SSBP3: variants seen among roughly 807,000 people sequenced by gnomAD.
The protein encoded by SSBP3 is single stranded DNA binding protein 3, also known as single-stranded DNA-binding protein 3.
In SSBP3, 5 loss-of-function variants were observed where a neutral mutation model predicts 69.6. The observed-to-expected ratio is 0.07, with a 90% confidence interval of 0.04 to 0.15. SSBP3 has a LOEUF of 0.15. Among genes scored for constraint, SSBP3 ranks in the 10% least tolerant of loss-of-function variants. SSBP3 has a pLI of 1.00. For synonymous variants in SSBP3, 196 were observed against 193.4 expected (o/e 1.01, Z -0.11); for missense variants, 312 against 534.0 (o/e 0.58, Z 4.10).
chr1:54,393,070 G>T (rs1437978771), intron 4 of SSBP3, among the ~76,000 whole-genome samples: 1 of 152,178 alleles, frequency 6.6e-6, no homozygotes, highest in East Asian at 1.9e-4. Context: ...TGGTGAAGAG[G>T]CCAAAGTGGC....
rs397862361 is a variant in SSBP3 at position 54,308,600 on chromosome 1, C to CAA, written c.277-27075_277-27074dup. ...TGGCCGACAGAGCGAGACTCCATCT[C>CAA]AAAAAAAAAAAAAAAAAATTAGCCG... On this transcript the variant is annotated intron_variant, in intron 4 of 17. Coordinates refer to ENST00000610401, the Ensembl canonical transcript of SSBP3. Among the ~76,000 whole-genome samples, 807 of 101,114 alleles carry CAA rather than the reference C, an allele frequency of 8.0e-3. 11 individuals carry two copies. The highest frequency in any genetic ancestry group is 0.036 in the Admixed American group (340 of 9,440). The allele number at this position is 101,114 out of a possible 152,430, so 66.3% of individuals were successfully genotyped here. A position where few individuals can be genotyped will look rare whatever the true frequency, so the allele number is the denominator to read the frequency against.
At chr1:54,389,009 T>G (rs1215802523) in intron 4 of SSBP3, among the ~76,000 whole-genome samples, 3 of 152,234 alleles carry the variant, frequency 2.0e-5, no homozygotes, top group African/African-American at 4.8e-5. Context: ...CACTGGGGGC[T>G]CTTGAGGCAT....
intron 13 of SSBP3, among the ~76,000 whole-genome samples, chr1:54,239,466 G>A (rs562186917): frequency 5.8e-4 from 88 of 152,266 alleles, no homozygotes; most frequent in African/African-American, 2.0e-3. Context: ...ACCCCACACC[G>A]AATCTGGTCC....
intron 4 of SSBP3, among the ~76,000 whole-genome samples, chr1:54,281,895 G>C (rs1021802501): frequency 8.6e-5 from 13 of 151,962 alleles, no homozygotes; most frequent in Non-Finnish European, 1.9e-4. Flanking sequence ...CCAGGAGTTC[G>C]AGACCGGCGC....
intron 5 of SSBP3, among the ~76,000 whole-genome samples, chr1:54,267,867 G>A (rs924080623): frequency 3.3e-5 from 5 of 152,088 alleles, no homozygotes; most frequent in African/African-American, 1.2e-4. Flanking sequence ...GCCCCGCTAA[G>A]TCACATCCCA....
Position 54,386,683 on chromosome 1 carries a change from C to CTTTTTTTTTTTTTTTTTTTGTTTT in SSBP3, c.276+15177_276+15178insAAAACAAAAAAAAAAAAAAAAAAA, listed in dbSNP as rs1648107697. Among the ~76,000 whole-genome samples the CTTTTTTTTTTTTTTTTTTTGTTTT allele has an allele frequency of 2.6e-5, 2 of 76,136 alleles. 1 individual carries two copies. Among genetic ancestry groups the CTTTTTTTTTTTTTTTTTTTGTTTT allele is most frequent in the Non-Finnish European group, 4.7e-5 (2 of 42,388 alleles). 49.9% of individuals were successfully genotyped at this position (76,136 alleles called of 152,430 possible). A position where few individuals can be genotyped will look rare whatever the true frequency, so the allele number is the denominator to read the frequency against. ...ATCCACAATGTATAAACTGATCCTA[C>CTTTTTTTTTTTTTTTTTTTGTTTT]TTTTTTTTTTTTTTTTTTTTTAAGA... On this transcript the variant is annotated intron_variant, in intron 4 of 17. Transcript: ENST00000610401.
intron 6 of SSBP3, among the ~76,000 whole-genome samples, chr1:54,257,581 G>A (rs1644944565): frequency 6.6e-6 from 1 of 152,116 alleles, no homozygotes; most frequent in Non-Finnish European, 1.5e-5. Context: ...GGACACACGA[G>A]CACGCACACA....
At position 54,287,618 on chromosome 1, in the gene SSBP3, G is replaced by A. The variant is rs186130608; in HGVS notation, c.277-6091C>T. Among the ~76,000 whole-genome samples, 6 of 152,246 alleles carry A rather than the reference G, an allele frequency of 3.9e-5. No individual in the cohort carries two copies. The East Asian group carries it at 1.2e-3, about 29-fold the overall frequency. ...TGCTGGCACTGGTTTCAGCAAGACA[G>A]GGGCTTCTGTGCAAACTATGGAGTA... On this transcript the variant is annotated intron_variant, in intron 4 of 17. Transcript: ENST00000610401.
At chr1:54,405,292 CGAG>C (rs1190268497) in intron 1 of SSBP3, among the ~76,000 whole-genome samples, 1 of 152,144 alleles carries the variant, frequency 6.6e-6, no homozygotes, top group Admixed American at 6.5e-5. Context: ...TTTGGAGGTC[CGAG>C]GAGACTCGGC....
At chr1:54,388,022 AG>A (rs1201367142) in intron 4 of SSBP3, among the ~76,000 whole-genome samples, 1 of 152,266 alleles carries the variant, frequency 6.6e-6, no homozygotes, top group Non-Finnish European at 1.5e-5. Flanking sequence ...AATGTTGTGA[AG>A]AAAAATAAAT....
Position 54,353,991 on chromosome 1 carries a change from G to T in SSBP3, c.276+47870C>A, listed in dbSNP as rs540031363. Among the ~76,000 whole-genome samples, 9 of 152,220 alleles carry T rather than the reference G, an allele frequency of 5.9e-5. No homozygotes were observed. In the South Asian group the frequency reaches 1.7e-3, roughly 28 times the overall value. On this transcript the variant is annotated intron_variant, in intron 4 of 17. Transcript: ENST00000610401. ...CCAAATCATACAGGGACTAGAAACCGAACTGGACCCAGATCCAGGGCTGTC... is the reference window on the plus strand; with the variant it reads ...CCAAATCATACAGGGACTAGAAACCTAACTGGACCCAGATCCAGGGCTGTC...
At chr1:54,365,095 G>A (rs1054212986) in intron 4 of SSBP3, among the ~76,000 whole-genome samples, 3 of 152,194 alleles carry the variant, frequency 2.0e-5, no homozygotes, top group East Asian at 1.9e-4. Context: ...AGACAAAGGC[G>A]CCGAAGAGCT....
At chr1:54,273,945 CCTCT>C (rs558001994) in intron 5 of SSBP3, among the ~76,000 whole-genome samples, 8 of 152,240 alleles carry the variant, frequency 5.3e-5, no homozygotes, top group Non-Finnish European at 1.0e-4. Flanking sequence ...CGCCCCACCT[CCTCT>C]CTAATCCTTC....
At chr1:54,410,828 A>G (rs921522148), upstream of SSBP3, among the ~76,000 whole-genome samples, 1 of 152,206 alleles carries the variant, frequency 6.6e-6, no homozygotes, top group Non-Finnish European at 1.5e-5. Flanking sequence ...CTACTAGGCT[A>G]TTAGTCAGTG....
At chr1:54,359,089 G>C (rs1053851001) in intron 4 of SSBP3, among the ~76,000 whole-genome samples, 3 of 152,104 alleles carry the variant, frequency 2.0e-5, no homozygotes, top group African/African-American at 7.2e-5. Flanking sequence ...CCAGAAGCCA[G>C]GGAGATGCCT....
Position 54,241,462 on chromosome 1 carries a change from C to T in SSBP3, c.801+12G>A. 1 of 1,614,106 alleles carries T rather than the reference C, an allele frequency of 6.2e-7. No homozygotes were observed. Among genetic ancestry groups the T allele is most frequent in the Non-Finnish European group, 8.5e-7 (1 of 1,179,968 alleles). The stretch of plus-strand genomic sequence containing the variant: ...TGGCTAGACATGCAATGCCCCAAAC[C>T]CACACACTTACCACATAGGTACCAG... On this transcript the variant is annotated intron_variant, in intron 12 of 17. Transcript: ENST00000610401.
In SSBP3 at chr1:54,296,952, G is replaced by C. The variant is rs17392681; in HGVS notation, c.277-15425C>G. Among the ~76,000 whole-genome samples, 474 of 152,274 alleles carry C rather than the reference G, an allele frequency of 3.1e-3. 2 individuals are homozygous for C. Among genetic ancestry groups the C allele is most frequent in the South Asian group, 0.02 (96 of 4,826 alleles). On this transcript the variant is annotated intron_variant, in intron 4 of 17. Transcript: ENST00000610401. Reference sequence around the variant, plus strand: ...CTCTATGTAGGCACCAAAGGAGGCTGATCTCACTTAATCCTCCCAACAATC... The same window carrying C: ...CTCTATGTAGGCACCAAAGGAGGCTCATCTCACTTAATCCTCCCAACAATC...
chr1:54,359,998 T>C (rs1178951234), intron 4 of SSBP3, among the ~76,000 whole-genome samples: 1 of 152,198 alleles, frequency 6.6e-6, no homozygotes, highest in Non-Finnish European at 1.5e-5. Context: ...CTTCAGAGTC[T>C]TGTTCACTTG....
chr1:54,349,717 CAA>C (rs5774184), intron 4 of SSBP3, among the ~76,000 whole-genome samples: 4 of 138,740 alleles, frequency 2.9e-5, no homozygotes, highest in Admixed American at 7.3e-5. Flanking sequence ...GTGGATGGGC[CAA>C]AAAAAAAAAA....
Sources: gnomAD v4.1 joint callset for allele counts (sites outside exome capture counted in the v4.1 genomes callset) on GRCh38, gnomAD v4.1.1 for gene constraint, MANE v1.5 for transcripts, NCBI Gene and HGNC (gene_info 2026-07-23, HGNC 2026-07-21) for gene names.